The following MARF1 variants were observed in gnomAD, a reference collection of about 807,000 sequenced individuals.
The protein encoded by MARF1 is limkain-b1.
A neutral mutation model predicts 168.2 loss-of-function variants in MARF1; 24 were observed. The observed-to-expected ratio is 0.14, with a 90% CI of 0.10 to 0.20. MARF1 has a LOEUF of 0.20. MARF1 is among the 10% of genes least tolerant of loss of function. MARF1 has a pLI of 1.00. For synonymous variants in MARF1, 868 were observed against 822.4 expected, an observed-to-expected ratio of 1.06 and a Z score of -0.95; for missense variants, 1,744 against 2,143.6, an observed-to-expected ratio of 0.81 and a Z score of 3.68.
intron 21 of MARF1, among the ~76,000 whole-genome samples, chr16:15,607,481 G>A (rs1275477591): frequency 2.0e-5 from 3 of 152,108 alleles, no homozygotes; most frequent in East Asian, 1.9e-4. Flanking sequence ...CCTGGGAGGC[G>A]GAGGTTGCAG....
chr16:15,624,199 G>A (rs922197473), intron 10 of MARF1, among the ~76,000 whole-genome samples: 4 of 151,754 alleles, frequency 2.6e-5, no homozygotes, highest in African/African-American at 9.7e-5. Context: ...GATTACAGGC[G>A]TGAGCCACCA....
chr16:15,601,832 G>A, intron 23 of MARF1, 159 bp downstream of exon 23: 3 of 675,984 alleles, frequency 4.4e-6, no homozygotes, highest in Non-Finnish European at 7.8e-6. Context: ...AAGGAGAAAT[G>A]CTAAAATCAT....
At chr16:15,635,437 A>T (rs1394690573) in intron 3 of MARF1, 1 of 553,308 alleles carries the variant, frequency 1.8e-6, no homozygotes, top group Non-Finnish European at 3.2e-6. Flanking sequence ...CTCTAAAAGT[A>T]TAAACTACAA....
chr16:15,638,986 G>C, intron 2 of MARF1, 104 bp downstream of exon 2: 1 of 1,151,868 alleles, frequency 8.7e-7, no homozygotes, highest in Non-Finnish European at 1.2e-6. Flanking sequence ...ACAGAAAAAT[G>C]TGGCACAGAC....
At chr16:15,612,169 C>A (rs1452753207) in intron 17 of MARF1, among the ~76,000 whole-genome samples, 1 of 152,138 alleles carries the variant, frequency 6.6e-6, no homozygotes, top group Non-Finnish European at 1.5e-5. Flanking sequence ...AGTAACTTGT[C>A]TCCAACTAGT....
chr16:15,602,236 T>C (rs2032511552), intron 22 of MARF1, 33 bp from the exon 23 acceptor site: 1 of 1,574,500 alleles, frequency 6.4e-7, no homozygotes, highest in African/African-American at 1.3e-5. Context: ...ATTAGAAATA[T>C]TAGTGACTGG....
intron 13 of MARF1, among the ~76,000 whole-genome samples, chr16:15,620,068 G>T (rs143123177): frequency 5.3e-4 from 81 of 152,292 alleles, no homozygotes; most frequent in African/African-American, 1.7e-3. Flanking sequence ...GGGAGGCTGA[G>T]GCATGAGAAT....
At chr16:15,602,461 C>G in intron 22 of MARF1, 1 of 584,580 alleles carries the variant, frequency 1.7e-6, no homozygotes, top group South Asian at 1.8e-5. Context: ...ATAAAGACGA[C>G]AAAGATGAAG....
rs187096730 is a variant in MARF1 at position 15,612,749 on chromosome 16, A to G, written c.3282T>C (p.Pro1094=). ...TDPWLLRSKS[P]VGNPQLIQFS... Reference sequence around the variant, plus strand: ...ACTGGATCAGCTGGGGGTTACCTACAGGACTCTTCGAACGCAGAAGCCAAG... The same window carrying G: ...ACTGGATCAGCTGGGGGTTACCTACGGGACTCTTCGAACGCAGAAGCCAAG... The change falls in exon 17 of 27, where the codon CCT becomes CCC. Residue 1094 remains proline, a synonymous_variant. Coordinates refer to ENST00000396368, the MANE Select transcript of MARF1 (RefSeq NM_014647.4). The G allele has an allele frequency of 1.1e-5, 18 of 1,614,220 alleles. No homozygotes were observed. In the East Asian group the frequency reaches 3.3e-4, roughly 30 times the overall value.
At chr16:15,611,262 T>A (rs2033514557) in intron 18 of MARF1, among the ~76,000 whole-genome samples, 154 bp from the exon 19 acceptor site, 1 of 151,956 alleles carries the variant, frequency 6.6e-6, no homozygotes, top group Non-Finnish European at 1.5e-5. Context: ...ATCGCGACCA[T>A]CCTGGCTAAC....
At position 15,635,786 on chromosome 16, in the gene MARF1, G is replaced by A. The variant is rs941367970; in HGVS notation, c.701C>T (p.Pro234Leu). The change falls in exon 3 of 27, where the codon CCA becomes CTA. Residue 234 changes from proline (P) to leucine (L), a missense_variant. Pro to Leu is a moderately conservative substitution (Grantham distance 98). Around this residue, in one of 7 missense-constraint regions of MARF1, gnomAD observed 318 missense variants for 336.6 expected, o/e 0.94. Coordinates refer to ENST00000396368, the MANE Select transcript of MARF1 (RefSeq NM_014647.4). Reference sequence around the variant, plus strand: ...TGAAATGTGCTCTTCCAAATGCCCTGGAGCCCCGCTTGTGAAATCAGAACA... The same window carrying A: ...TGAAATGTGCTCTTCCAAATGCCCTAGAGCCCCGCTTGTGAAATCAGAACA... ...FPCSDFTSGA[P>L]GHLEEHISQS... is the part of the protein sequence containing the mutation. The A allele has an allele frequency of 4.3e-6, 7 of 1,614,236 alleles. No individual in the cohort carries two copies. The highest frequency in any genetic ancestry group is 5.1e-6 in the Non-Finnish European group (6 of 1,180,042).
At chr16:15,639,613 C>T (rs1297621723) in intron 1 of MARF1, among the ~76,000 whole-genome samples, 1 of 152,148 alleles carries the variant, frequency 6.6e-6, no homozygotes, top group African/African-American at 2.4e-5. Context: ...GTTGGCCAGG[C>T]TGGTCTTGAA....
At chr16:15,638,585 C>CA (rs71134443) in intron 2 of MARF1, among the ~76,000 whole-genome samples, 6,972 of 128,714 alleles carry the variant, frequency 0.054, 252 homozygotes, top group East Asian at 0.2. Flanking sequence ...GACTGCACCT[C>CA]AAAAAAAAAA....
chr16:15,631,730 T>C (rs2035269500), intron 5 of MARF1, among the ~76,000 whole-genome samples: 1 of 152,174 alleles, frequency 6.6e-6, no homozygotes, highest in African/African-American at 2.4e-5. Context: ...TTTGTTCTAA[T>C]GCTCTTCCTC....
Position 15,600,718 on chromosome 16 carries a change from C to A in MARF1, c.4627-17G>T. The A allele has an allele frequency of 6.2e-7, 1 of 1,613,366 alleles. No individual in the cohort carries two copies. The highest frequency in any genetic ancestry group is 8.5e-7 in the Non-Finnish European group (1 of 1,179,668). ...CCAGACCACCTGCACACAAGACATA[C>A]TACTGGTTAAGCAGCGGAAAAGGAG... On this transcript the variant is annotated splice_polypyrimidine_tract_variant and intron_variant, in intron 23 of 26. Coordinates refer to ENST00000396368, the MANE Select transcript of MARF1 (RefSeq NM_014647.4).
chr16:15,611,426 G>A (rs577188299), intron 18 of MARF1, among the ~76,000 whole-genome samples, 166 bp downstream of exon 18: 9 of 125,106 alleles, frequency 7.2e-5, no homozygotes, highest in South Asian at 2.8e-4. Context: ...GCCACTGGGC[G>A]ACAGAGCGAG....
chr16:15,617,270 T>A lies in MARF1; in HGVS notation c.2957+29A>T, dbSNP rs1476652644. On this transcript the variant is annotated intron_variant, in intron 14 of 26. Coordinates refer to ENST00000396368, the MANE Select transcript of MARF1 (RefSeq NM_014647.4). ...TGTTCCACAATCTTATAGAAAAGAA[T>A]TACTTCTAAAGGAAAACGAACGGCA... 1.9e-6 allele frequency: 3 copies of A among 1,610,520 alleles called. No homozygotes were observed. The Admixed American group carries it at 5.0e-5, about 27-fold the overall frequency.
chr16:15,628,581 G>T lies in MARF1; in HGVS notation c.1524+1751C>A, dbSNP rs79051089. On this transcript the variant is annotated intron_variant, in intron 7 of 26. Coordinates refer to ENST00000396368, the MANE Select transcript of MARF1 (RefSeq NM_014647.4). ...CCGCCACCACACCTGGCTAATTTTTGTATTTTTAGTAGAGATGGGGTTTCG... is the reference window on the plus strand; with the variant it reads ...CCGCCACCACACCTGGCTAATTTTTTTATTTTTAGTAGAGATGGGGTTTCG... Among the ~76,000 whole-genome samples the T allele has an allele frequency of 9.5e-4, 144 of 152,066 alleles. 3 individuals are homozygous for T. In the East Asian group the frequency reaches 0.021, roughly 22 times the overall value.
At position 15,595,196 on chromosome 16, in the gene MARF1, C is replaced by G. The variant is rs1303731768; in HGVS notation, c.*1497G>C. 1 of 152,574 alleles carries G rather than the reference C, an allele frequency of 6.6e-6. No homozygotes were observed. The highest frequency in any genetic ancestry group is 2.4e-5 in the African/African-American group (1 of 41,406). The allele number at this position is 152,574 out of a possible 1,614,324, so 9.5% of individuals were successfully genotyped here. A position where few individuals can be genotyped will look rare whatever the true frequency, so the allele number is the denominator to read the frequency against. On this transcript the variant is annotated 3_prime_UTR_variant, in exon 27 of 27. Coordinates refer to ENST00000396368, the MANE Select transcript of MARF1 (RefSeq NM_014647.4). ...TTTTTTCCATGGTGTTCTGTCTTGA[C>G]TGGGGCCATGTGTTGAGAACTGGGA... is the stretch of plus-strand genomic sequence containing the variant.
Sources: allele counts gnomAD v4.1 joint callset (sites outside exome capture counted in the v4.1 genomes callset), GRCh38; gene constraint gnomAD v4.1.1; regional missense constraint gnomAD v4.1.1; transcripts MANE v1.5; gene names NCBI Gene and HGNC (gene_info 2026-07-23, HGNC 2026-07-21).